The following ROR2 variants were observed in gnomAD, a reference collection of about 807,000 sequenced individuals.
ROR2 encodes the protein tyrosine-protein kinase transmembrane receptor ROR2.
A neutral mutation model predicts 74.9 loss-of-function variants in ROR2; 33 were observed. The observed-to-expected ratio is 0.44, with a 90% CI of 0.33 to 0.59. The LOEUF is 0.59. Among genes scored for constraint, ROR2 ranks in the 20% least tolerant of loss-of-function variants. ROR2 has a pLI of 0.02. For missense variants in ROR2, 1,216 were observed against 1,313.8 expected, an observed-to-expected ratio of 0.93 and a Z score of 1.15; for synonymous variants, 586 against 558.7, an observed-to-expected ratio of 1.05 and a Z score of -0.69.
At chr9:91,792,025 A>G (rs1188201464) in intron 1 of ROR2, among the ~76,000 whole-genome samples, 1 of 152,228 alleles carries the variant, frequency 6.6e-6, no homozygotes, top group Non-Finnish European at 1.5e-5. Flanking sequence ...ATCACACACA[A>G]AAATTAGAAA....
At chr9:91,776,052 T>C (rs942391392) in intron 1 of ROR2, among the ~76,000 whole-genome samples, 2 of 152,166 alleles carry the variant, frequency 1.3e-5, no homozygotes, top group African/African-American at 4.8e-5. Flanking sequence ...TGCGGGGGCT[T>C]TGCAACACAG....
In ROR2 at chr9:91,742,840, T is replaced by C. The variant is rs923482326; in HGVS notation, c.495-5322A>G. ...AGCAACAGCTTCCAGTCCTGCAAGC[T>C]CCATTCATGGTAAGTGCCCTATGTA... On this transcript the variant is annotated intron_variant, in intron 4 of 8. Coordinates refer to ENST00000375708, the MANE Select transcript of ROR2 (RefSeq NM_004560.4). Among the ~76,000 whole-genome samples the C allele has an allele frequency of 7.9e-5, 12 of 152,304 alleles. 1 individual carries two copies. The highest frequency in any genetic ancestry group is 6.8e-3 in the Middle Eastern group (2 of 294).
chr9:91,760,026 CA>C (rs1428127986), intron 2 of ROR2, among the ~76,000 whole-genome samples: 24 of 152,210 alleles, frequency 1.6e-4, no homozygotes, highest in African/African-American at 5.8e-4. Flanking sequence ...TCAACGCTCC[CA>C]AATTTTTCTC....
chr9:91,878,570 C>T (rs892745568), intron 1 of ROR2, among the ~76,000 whole-genome samples: 1 of 152,206 alleles, frequency 6.6e-6, no homozygotes, highest in Admixed American at 6.5e-5. Context: ...GAAGCTCCCC[C>T]CTTGCACATC....
intron 1 of ROR2, among the ~76,000 whole-genome samples, chr9:91,801,331 T>TTTTTA (rs751715383): frequency 2.0e-5 from 3 of 152,096 alleles, no homozygotes; most frequent in Non-Finnish European, 4.4e-5. Flanking sequence ...TTTGCACGCT[T>TTTTTA]TTTTATTTTA....
chr9:91,881,427 G>A (rs1352864311), intron 1 of ROR2, among the ~76,000 whole-genome samples: 2 of 152,148 alleles, frequency 1.3e-5, no homozygotes, highest in Non-Finnish European at 2.9e-5. Flanking sequence ...ACTGTATGCT[G>A]CAAGAACTTA....
chr9:91,798,537 A>C (rs1827262800), intron 1 of ROR2, among the ~76,000 whole-genome samples: 3 of 114,860 alleles, frequency 2.6e-5, no homozygotes, highest in Admixed American at 9.8e-5. Context: ...TGGGTGGGGA[A>C]TGACACCCTG....
chr9:91,909,633 T>A (rs1830902589), intron 1 of ROR2, among the ~76,000 whole-genome samples: 1 of 151,046 alleles, frequency 6.6e-6, no homozygotes, highest in South Asian at 2.1e-4. Flanking sequence ...ATTACAGGCA[T>A]GAGCCACCAC....
intron 1 of ROR2, among the ~76,000 whole-genome samples, chr9:91,802,174 C>T (rs1029698202): frequency 2.0e-5 from 3 of 149,888 alleles, no homozygotes; most frequent in African/African-American, 7.4e-5. Flanking sequence ...CCCAGGTTCA[C>T]GCCATTCTCC....
intron 1 of ROR2, among the ~76,000 whole-genome samples, chr9:91,830,694 TAA>T (rs1488000993): frequency 4.1e-4 from 20 of 49,278 alleles, no homozygotes; most frequent in African/African-American, 2.6e-3. Flanking sequence ...ATTAAAAAGA[TAA>T]GAAAGAATTA....
intron 1 of ROR2, among the ~76,000 whole-genome samples, chr9:91,941,526 A>G (rs1192410413): frequency 1.3e-5 from 2 of 152,198 alleles, no homozygotes; most frequent in East Asian, 3.9e-4. Context: ...CCACCTCTGC[A>G]CAATTAACAA....
intron 1 of ROR2, among the ~76,000 whole-genome samples, chr9:91,808,352 T>C (rs1259701402): frequency 6.6e-6 from 1 of 152,152 alleles, no homozygotes; most frequent in Non-Finnish European, 1.5e-5. Flanking sequence ...CTTCATAAAT[T>C]GGCCAGGCGA....
chr9:91,722,833 T>G lies in ROR2; in HGVS notation c.*829A>C. On this transcript the variant is annotated 3_prime_UTR_variant, in exon 9 of 9. Transcript: ENST00000375708. ...TCATCTTAAGACCAAAATACTTCAA[T>G]GAAAATGGCATATTAAAAACATATA... 1 of 564,052 alleles carries G rather than the reference T, an allele frequency of 1.8e-6. No homozygotes were observed. The highest frequency in any genetic ancestry group is 2.9e-5 in the East Asian group (1 of 34,248). The allele number at this position is 564,052 out of a possible 1,614,324, so 34.9% of individuals were successfully genotyped here. A position where few individuals can be genotyped will look rare whatever the true frequency, so the allele number is the denominator to read the frequency against.
intron 1 of ROR2, among the ~76,000 whole-genome samples, chr9:91,902,703 G>A (rs550669006): frequency 1.2e-3 from 183 of 152,288 alleles, no homozygotes; most frequent in Non-Finnish European, 1.6e-3. Flanking sequence ...AGAAGAAACC[G>A]CTTCATCAGC....
chr9:91,938,323 T>G (rs913443966), intron 1 of ROR2, among the ~76,000 whole-genome samples: 7 of 152,078 alleles, frequency 4.6e-5, no homozygotes, highest in African/African-American at 1.7e-4. Context: ...GTTAGCCAGA[T>G]GTTGGTAGCT....
At chr9:91,823,525 A>T (rs1261400588) in intron 1 of ROR2, among the ~76,000 whole-genome samples, 2 of 151,436 alleles carry the variant, frequency 1.3e-5, no homozygotes, top group Admixed American at 1.3e-4. Context: ...TGACCTCATG[A>T]TCCACCTGCC....
chr9:91,821,140 C>T (rs933804684), intron 1 of ROR2, among the ~76,000 whole-genome samples: 7 of 151,316 alleles, frequency 4.6e-5, no homozygotes, highest in Admixed American at 2.6e-4. Context: ...GACACAGACA[C>T]GCACAAAGGG....
chr9:91,776,915 T>G (rs1254134760), intron 1 of ROR2, among the ~76,000 whole-genome samples: 1 of 152,166 alleles, frequency 6.6e-6, no homozygotes, highest in Non-Finnish European at 1.5e-5. Context: ...AAAATAAGCT[T>G]CACTAGCCCA....
chr9:91,835,699 AG>A (rs1828591289), intron 1 of ROR2, among the ~76,000 whole-genome samples: 1 of 152,186 alleles, frequency 6.6e-6, no homozygotes, highest in South Asian at 2.1e-4. Context: ...GAAGACCAGC[AG>A]GGGTGGGAGG....
Sources: allele counts gnomAD v4.1 joint callset (sites outside exome capture counted in the v4.1 genomes callset), GRCh38; gene constraint gnomAD v4.1.1; transcripts MANE v1.5; gene names NCBI Gene and HGNC (gene_info 2026-07-23, HGNC 2026-07-21).